The following UNC13C variants were observed in gnomAD, a reference collection of about 807,000 sequenced individuals.
UNC13C encodes unc-13 homolog C.
Under a neutral mutation model 245.4 loss-of-function variants are expected in UNC13C, and 174 were observed. The observed-to-expected ratio is 0.71, with a 90% CI of 0.63 to 0.80. UNC13C has a LOEUF of 0.80. Among genes scored for constraint, UNC13C ranks in the 30% least tolerant of loss-of-function variants. The pLI, the probability that UNC13C is intolerant of heterozygous loss-of-function variation, is 0.00. For missense variants in UNC13C, 2,829 were observed against 2,602.9 expected (o/e 1.09, Z -1.89); for synonymous variants, 992 against 895.1 (o/e 1.11, Z -1.93).
intron 13 of UNC13C, among the ~76,000 whole-genome samples, chr15:54,301,596 T>G (rs1162048831): frequency 6.6e-6 from 1 of 152,186 alleles, no homozygotes; most frequent in East Asian, 1.9e-4. Context: ...GCTTCAACAA[T>G]GTCCCTGCAA....
At chr15:54,563,895 C>G (rs1310408361) in intron 29 of UNC13C, among the ~76,000 whole-genome samples, 2 of 152,006 alleles carry the variant, frequency 1.3e-5, no homozygotes, top group Non-Finnish European at 1.5e-5. Context: ...ATGCCAAGGT[C>G]CATGTAATAA....
intron 7 of UNC13C, among the ~76,000 whole-genome samples, chr15:54,243,756 T>G (rs974105397): frequency 6.6e-6 from 1 of 152,354 alleles, no homozygotes; most frequent in Middle Eastern, 3.4e-3. Context: ...CATGTTTTTT[T>G]GACTGCATGA....
intron 17 of UNC13C, among the ~76,000 whole-genome samples, chr15:54,343,076 T>C (rs1252972702): frequency 6.6e-6 from 1 of 152,210 alleles, no homozygotes; most frequent in Non-Finnish European, 1.5e-5. Flanking sequence ...ATCATTATCT[T>C]TATTTTACCT....
chr15:53,856,139 A>G, the UNC13C span, among the ~76,000 whole-genome samples: 4 of 151,814 alleles, frequency 2.6e-5, no homozygotes, highest in African/African-American at 9.7e-5. Flanking sequence ...GGTGATATAC[A>G]CTTTATCATT....
chr15:54,312,622 A>G (rs553268846), intron 13 of UNC13C, among the ~76,000 whole-genome samples: 142 of 151,846 alleles, frequency 9.4e-4, no homozygotes, highest in Non-Finnish European at 1.4e-3. Context: ...CCTATTGTAC[A>G]GGCAGTATTA....
intron 19 of UNC13C, among the ~76,000 whole-genome samples, chr15:54,444,404 T>C (rs2140995288): frequency 6.6e-6 from 1 of 151,708 alleles, no homozygotes; most frequent in African/African-American, 2.4e-5. Flanking sequence ...TTACTTTGAG[T>C]CTATATATGT....
rs769765836 is a variant in UNC13C, at chr15:54,293,878, T to C, written c.3819-17T>C. 25 of 1,517,840 alleles carry C rather than the reference T, an allele frequency of 1.6e-5. No homozygotes were observed. The highest frequency in any genetic ancestry group is 2.1e-5 in the Non-Finnish European group (24 of 1,138,172). 94.0% of individuals were successfully genotyped at this position (1,517,840 alleles called of 1,614,324 possible). A position where few individuals can be genotyped will look rare whatever the true frequency, so the allele number is the denominator to read the frequency against. On this transcript the variant is annotated splice_polypyrimidine_tract_variant and intron_variant, in intron 10 of 32. Transcript: ENST00000260323. ...GCAGTTTTCAATTGTTGTTAACTTA[T>C]CCACATTTATTTTCAGTGAGTGTCA...
Position 54,416,182 on chromosome 15 carries a change from G to A in UNC13C, c.4933+1115G>A, listed in dbSNP as rs1360391562. 3.3e-5 allele frequency among the ~76,000 whole-genome samples: 5 copies of A among 152,164 alleles called. No individual in the cohort carries two copies. In the East Asian group the frequency reaches 9.6e-4, roughly 29 times the overall value. On this transcript the variant is annotated intron_variant, in intron 19 of 32. Transcript: ENST00000260323. Reference sequence around the variant, plus strand: ...AACAAAGTCCCATAAAGGATTTTCAGCAGGTGCATGTCTTACTTAGATTTG... The same window carrying A: ...AACAAAGTCCCATAAAGGATTTTCAACAGGTGCATGTCTTACTTAGATTTG...
the UNC13C span, among the ~76,000 whole-genome samples, chr15:53,944,705 C>T: frequency 1.3e-5 from 2 of 152,072 alleles, no homozygotes; most frequent in Non-Finnish European, 2.9e-5. Context: ...TATTTGCTAT[C>T]GTGAATAGTG....
At chr15:54,375,065 C>G (rs559688423) in intron 17 of UNC13C, among the ~76,000 whole-genome samples, 5 of 152,166 alleles carry the variant, frequency 3.3e-5, no homozygotes, top group Non-Finnish European at 2.9e-5. Context: ...CTAAACAGTC[C>G]TGTATATGTC....
At chr15:54,599,756 T>G (rs1446499663) in intron 30 of UNC13C, among the ~76,000 whole-genome samples, 1 of 152,034 alleles carries the variant, frequency 6.6e-6, no homozygotes, top group Non-Finnish European at 1.5e-5. Context: ...TTTCTCTGGG[T>G]CTGTGTGAAG....
At position 54,298,992 on chromosome 15, in the gene UNC13C, A is replaced by G. The variant is rs2037506166; in HGVS notation, c.4104+1066A>G. ...CGTGTTTAAATCGTGTGTATATTAC[A>G]CACGATTTAGGTATAGGACCTAGGC... On this transcript the variant is annotated intron_variant, in intron 12 of 32. Transcript: ENST00000260323. Among the ~76,000 whole-genome samples the G allele has an allele frequency of 2.6e-5, 4 of 152,154 alleles. No individual in the cohort carries two copies. In the South Asian group the frequency reaches 6.2e-4, roughly 24 times the overall value.
chr15:54,372,099 C>A (rs946651880), intron 17 of UNC13C, among the ~76,000 whole-genome samples: 3 of 151,764 alleles, frequency 2.0e-5, no homozygotes, highest in African/African-American at 7.3e-5. Context: ...TTTAAGTGTT[C>A]TCAGCACAAA....
chr15:53,921,858 G>A, the UNC13C span, among the ~76,000 whole-genome samples: 2 of 152,148 alleles, frequency 1.3e-5, no homozygotes, highest in Non-Finnish European at 2.9e-5. Context: ...TGGACTTTAA[G>A]GGTCATTTCA....
intron 2 of UNC13C, among the ~76,000 whole-genome samples, chr15:54,037,595 CTA>C (rs1241882157): frequency 2.6e-5 from 4 of 152,024 alleles, no homozygotes; most frequent in Non-Finnish European, 5.9e-5. Context: ...ACGCTAGTAT[CTA>C]TATACATTTG....
intron 30 of UNC13C, among the ~76,000 whole-genome samples, chr15:54,591,788 T>G (rs933826032): frequency 1.2e-4 from 19 of 152,184 alleles, no homozygotes; most frequent in African/African-American, 4.6e-4. Flanking sequence ...TTGTTTCAAT[T>G]GCATTTAGTA....
chr15:54,320,071 T>C (rs904636607), intron 13 of UNC13C, among the ~76,000 whole-genome samples: 3 of 151,972 alleles, frequency 2.0e-5, no homozygotes, highest in African/African-American at 7.2e-5. Context: ...GAGAATTGCT[T>C]ACAGAAGATA....
chr15:54,122,840 G>C (rs2030767044), intron 2 of UNC13C, among the ~76,000 whole-genome samples: 1 of 151,994 alleles, frequency 6.6e-6, no homozygotes, highest in Admixed American at 6.5e-5. Context: ...AGCAAAATTT[G>C]TTTATACATT....
At chr15:54,026,537 C>T (rs1338486468) in intron 2 of UNC13C, among the ~76,000 whole-genome samples, 1 of 152,166 alleles carries the variant, frequency 6.6e-6, no homozygotes, top group East Asian at 1.9e-4. Context: ...CATCTGGAGT[C>T]ATTTATTAAA....
Sources: allele counts gnomAD v4.1 joint callset (sites outside exome capture counted in the v4.1 genomes callset), GRCh38; gene constraint gnomAD v4.1.1; transcripts MANE v1.5; gene names NCBI Gene and HGNC (gene_info 2026-07-23, HGNC 2026-07-21).